OPRM1: variants seen among roughly 807,000 people sequenced by gnomAD.
OPRM1 encodes the protein mu-type opioid receptor.
Under a neutral mutation model 31.8 loss-of-function variants are expected in OPRM1, and 27 were observed. That is an observed-to-expected ratio of 0.85 (90% CI 0.63 to 1.17). The LOEUF (loss-of-function observed/expected upper bound fraction) is 1.17. OPRM1 is among the 50% of genes most tolerant of loss of function. The pLI, the probability that OPRM1 is intolerant of heterozygous loss-of-function variation, is 0.00. For synonymous variants in OPRM1, 196 were observed against 189.9 expected, an observed-to-expected ratio of 1.03 and a Z score of -0.26; for missense variants, 536 against 511.1, an observed-to-expected ratio of 1.05 and a Z score of -0.47.
rs1207812281 is a variant in OPRM1 at position 154,039,626 on chromosome 6, C to G, written c.82C>G (p.Pro28Ala). 1.2e-6 allele frequency: 2 copies of G among 1,613,832 alleles called. No homozygotes were observed. Among genetic ancestry groups the G allele is most frequent in the South Asian group, 1.1e-5 (1 of 91,078 alleles). The change falls in exon 1 of 4, where the codon CCC becomes GCC. Residue 28 changes from proline (P) to alanine (A), a missense_variant. Physicochemically the swap from Pro to Ala is conservative, Grantham distance 27 (BLOSUM62 -1). Transcript: ENST00000330432. ...CTCAAGTTGCTCCCCAGCACCCAGC[C>G]CCGGTTCCTGGGTCAACTTGTCCCA... ...AYSSCSPAPS[P>A]GSWVNLSHLD...
At chr6:154,090,834 A>G (rs1249111451) in intron 2 of OPRM1, 118 bp from the exon 3 acceptor site, 1 of 820,166 alleles carries the variant, frequency 1.2e-6, no homozygotes, top group Non-Finnish European at 1.9e-6. Context: ...CAATTTCTTT[A>G]TAGCCTTAAG....
chr6:154,173,695 A>T (rs1800061721), intron 3 of OPRM1, among the ~76,000 whole-genome samples: 1 of 152,228 alleles, frequency 6.6e-6, no homozygotes, highest in Non-Finnish European at 1.5e-5. Flanking sequence ...TCTACATTTG[A>T]TTGGTGTAAC....
intron 1 of OPRM1, among the ~76,000 whole-genome samples, chr6:154,030,304 A>T (rs1432498227): frequency 6.6e-6 from 1 of 152,232 alleles, no homozygotes; most frequent in Non-Finnish European, 1.5e-5. Flanking sequence ...GGAAATAAAA[A>T]GACAGGCATT....
chr6:154,244,297 G>GGGGGGTGT (rs1307383951), intron 3 of OPRM1, among the ~76,000 whole-genome samples: 1 of 76,804 alleles, frequency 1.3e-5, no homozygotes, highest in African/African-American at 5.8e-5. Context: ...TGTGTGTGTG[G>GGGGGGTGT]GTGGGTGTGT....
intron 1 of OPRM1, among the ~76,000 whole-genome samples, chr6:154,054,718 A>G (rs1782893932): frequency 6.6e-6 from 1 of 152,246 alleles, no homozygotes; most frequent in African/African-American, 2.4e-5. Flanking sequence ...CAGAGTAGGC[A>G]TAGTGGAGTA....
At chr6:154,067,259 T>G (rs1276628637) in intron 1 of OPRM1, among the ~76,000 whole-genome samples, 1 of 152,018 alleles carries the variant, frequency 6.6e-6, no homozygotes, top group Admixed American at 6.5e-5. Flanking sequence ...GTTGTTAACT[T>G]AAGATTTTTA....
At chr6:154,095,476 TA>T (rs1169803697) in intron 3 of OPRM1, among the ~76,000 whole-genome samples, 1 of 152,222 alleles carries the variant, frequency 6.6e-6, no homozygotes, top group African/African-American at 2.4e-5. Context: ...TTACCGTCAG[TA>T]ATGGGAAAAT....
chr6:154,209,265 G>T (rs1213626399), intron 3 of OPRM1, among the ~76,000 whole-genome samples: 2 of 152,002 alleles, frequency 1.3e-5, no homozygotes, highest in African/African-American at 4.8e-5. Flanking sequence ...AAAAACTTGG[G>T]GAAAAAAATA....
At chr6:154,070,662 A>G (rs945442732) in intron 1 of OPRM1, among the ~76,000 whole-genome samples, 1 of 152,256 alleles carries the variant, frequency 6.6e-6, no homozygotes, top group Admixed American at 6.5e-5. Context: ...ATTGGGACTC[A>G]GCAACTTGAC....
intron 3 of OPRM1, among the ~76,000 whole-genome samples, chr6:154,152,715 A>G (rs1347958686): frequency 6.6e-6 from 1 of 151,274 alleles, no homozygotes; most frequent in East Asian, 1.9e-4. Flanking sequence ...TGCACACATA[A>G]TTTTTATTTT....
intron 3 of OPRM1, among the ~76,000 whole-genome samples, chr6:154,102,911 C>A: frequency 1.5e-5 from 2 of 137,722 alleles, no homozygotes; most frequent in Non-Finnish European, 1.5e-5. Flanking sequence ...ACACCACTAA[C>A]CAGTTGCAAA....
At chr6:154,070,997 T>C (rs1230474840) in intron 1 of OPRM1, among the ~76,000 whole-genome samples, 2 of 152,184 alleles carry the variant, frequency 1.3e-5, no homozygotes, top group Admixed American at 6.5e-5. Context: ...ATAGACATTG[T>C]AAGGTGCAAA....
intron 3 of OPRM1, among the ~76,000 whole-genome samples, chr6:154,185,136 C>A (rs1801222716): frequency 6.6e-6 from 1 of 152,094 alleles, no homozygotes; most frequent in African/African-American, 2.4e-5. Context: ...ATATTATTGT[C>A]CCCTGAGCCT....
At chr6:154,075,390 T>C (rs548902078) in intron 1 of OPRM1, among the ~76,000 whole-genome samples, 2 of 152,224 alleles carry the variant, frequency 1.3e-5, no homozygotes, top group African/African-American at 4.8e-5. Context: ...GATGAAATTA[T>C]GTTTTTGTAC....
In OPRM1 at chr6:154,081,762, G is replaced by A. The variant is rs561046003; in HGVS notation, c.291-8064G>A. ...CAACACAATCAGCAATGCACTCCTA[G>A]AAATACACGTGGCCCACAATACAGG... On this transcript the variant is annotated intron_variant, in intron 1 of 3. Transcript: ENST00000330432. 2.6e-5 allele frequency among the ~76,000 whole-genome samples: 4 copies of A among 152,304 alleles called. No homozygotes were observed. The South Asian group carries it at 6.2e-4, about 24-fold the overall frequency.
intron 1 of OPRM1, among the ~76,000 whole-genome samples, chr6:154,072,155 G>A (rs1036374857): frequency 2.0e-5 from 3 of 152,138 alleles, no homozygotes; most frequent in Admixed American, 6.6e-5. Flanking sequence ...GAGCTGGGAA[G>A]GTATGGTTTA....
chr6:154,079,430 G>T (rs1788598636), intron 1 of OPRM1, among the ~76,000 whole-genome samples: 1 of 152,168 alleles, frequency 6.6e-6, no homozygotes, highest in African/African-American at 2.4e-5. Flanking sequence ...GAAATCCAGG[G>T]CAGAGACCAG....
intron 3 of OPRM1, among the ~76,000 whole-genome samples, chr6:154,192,641 C>T (rs1303634355): frequency 3.0e-5 from 3 of 100,706 alleles, no homozygotes; most frequent in Non-Finnish European, 4.3e-5. Context: ...CCAGAATCTA[C>T]AAGGAACACA....
intron 1 of OPRM1, among the ~76,000 whole-genome samples, chr6:154,051,964 T>A (rs1026794024): frequency 6.6e-6 from 1 of 152,248 alleles, no homozygotes; most frequent in East Asian, 1.9e-4. Flanking sequence ...AAAGAAAATA[T>A]GTTACATATA....
Sources: allele counts gnomAD v4.1 joint callset (sites outside exome capture counted in the v4.1 genomes callset), GRCh38; gene constraint gnomAD v4.1.1; transcripts MANE v1.5; gene names NCBI Gene and HGNC (gene_info 2026-07-23, HGNC 2026-07-21).